Variants in CLIP1 observed in about 807,000 individuals in gnomAD.
CLIP1 encodes CAP-Gly domain containing linker protein 1, also known as CAP-Gly domain-containing linker protein 1.
A neutral mutation model predicts 161.6 loss-of-function variants in CLIP1; 66 were observed. That is an observed-to-expected ratio of 0.41 (90% CI 0.33 to 0.50). The LOEUF (loss-of-function observed/expected upper bound fraction) is 0.50, where lower values mean the gene tolerates loss of function less well. Among genes scored for constraint, CLIP1 ranks in the 20% least tolerant of loss-of-function variants. The pLI is 0.27. For synonymous variants in CLIP1, 598 were observed against 626.2 expected, an observed-to-expected ratio of 0.96 and a Z score of 0.67; for missense variants, 1,376 against 1,702.0, an observed-to-expected ratio of 0.81 and a Z score of 3.37.
intron 1 of CLIP1, among the ~76,000 whole-genome samples, chr12:122,393,730 G>A (rs754089320): frequency 5.9e-5 from 9 of 151,764 alleles, no homozygotes; most frequent in Non-Finnish European, 1.3e-4. Context: ...TGGACAACAA[G>A]GTGAAACCCC....
intron 9 of CLIP1, among the ~76,000 whole-genome samples, chr12:122,347,993 C>A (rs1952830485): frequency 6.6e-6 from 1 of 152,126 alleles, no homozygotes; most frequent in Non-Finnish European, 1.5e-5. Flanking sequence ...GTCCTTAGAG[C>A]AGATTCTTGC....
intron 19 of CLIP1, 54 bp downstream of exon 19, chr12:122,316,695 C>T: frequency 9.1e-7 from 1 of 1,101,714 alleles, no homozygotes; most frequent in South Asian, 1.6e-5. Flanking sequence ...ATTGTGTTCA[C>T]ATTTTCAATT....
chr12:122,347,542 G>A, intron 9 of CLIP1, 63 bp from the exon 10 acceptor site: 1 of 1,281,896 alleles, frequency 7.8e-7, no homozygotes, highest in South Asian at 1.2e-5. Flanking sequence ...CAGCACGAGA[G>A]GAGAGACAGC....
chr12:122,401,417 G>C (rs1171451888), intron 1 of CLIP1, among the ~76,000 whole-genome samples: 1 of 152,110 alleles, frequency 6.6e-6, no homozygotes, highest in Non-Finnish European at 1.5e-5. Context: ...GGTAATCCTA[G>C]CACTTTGGGA....
At chr12:122,387,583 TA>T (rs1566209618) in intron 1 of CLIP1, among the ~76,000 whole-genome samples, 28 of 4,660 alleles carry the variant, frequency 6.0e-3, no homozygotes, top group Admixed American at 9.0e-3. Context: ...TATATATATA[TA>T]TATATATTTT....
At chr12:122,328,922 C>G (rs1951819722) in intron 15 of CLIP1, among the ~76,000 whole-genome samples, 1 of 152,144 alleles carries the variant, frequency 6.6e-6, no homozygotes, top group Non-Finnish European at 1.5e-5. Flanking sequence ...ATCATTTTAC[C>G]AGTTATGATA....
chr12:122,283,412 C>G (rs575086295), intron 21 of CLIP1, among the ~76,000 whole-genome samples: 2 of 151,016 alleles, frequency 1.3e-5, no homozygotes, highest in South Asian at 4.2e-4. Context: ...AACCCCACAG[C>G]AAATAAAGAA....
In CLIP1 at chr12:122,328,064, T is replaced by C. The variant is rs766446751; in HGVS notation, c.3132A>G (p.Leu1044=). The C allele has an allele frequency of 2.5e-6, 4 of 1,614,202 alleles. 1 individual carries two copies. The highest frequency in any genetic ancestry group is 2.2e-5 in the South Asian group (2 of 91,086). Residue 1044 remains leucine, a synonymous_variant, in exon 17 of 26, where the codon CTA becomes CTG. Coordinates refer to ENST00000620786, the MANE Select transcript of CLIP1 (RefSeq NM_001247997.2). ...SETKTKHEEI[L]QNLQKTLLDT... ...CCAGCAGCGTCTTCTGGAGGTTCTG[T>C]AGGATTTCTTCATGCTTGGTTTTTG...
chr12:122,295,273 G>A (rs1950424458), intron 20 of CLIP1, among the ~76,000 whole-genome samples: 2 of 151,644 alleles, frequency 1.3e-5, no homozygotes, highest in African/African-American at 2.4e-5. Context: ...AGGAGGCTGA[G>A]GCAGGAGAAT....
chr12:122,278,508 C>T, intron 23 of CLIP1: 1 of 533,958 alleles, frequency 1.9e-6, no homozygotes, highest in Admixed American at 3.5e-5. Flanking sequence ...CCAAAGGGAC[C>T]ACCTCTTCTC....
At chr12:122,361,790 C>A (rs1267663387) in intron 4 of CLIP1, among the ~76,000 whole-genome samples, 2 of 152,112 alleles carry the variant, frequency 1.3e-5, no homozygotes, top group African/African-American at 2.4e-5. Context: ...GAGATTGCAC[C>A]ACTGTAGTCC....
chr12:122,403,055 G>A (rs963404838), intron 1 of CLIP1, among the ~76,000 whole-genome samples: 7 of 152,038 alleles, frequency 4.6e-5, no homozygotes, highest in Non-Finnish European at 8.8e-5. Flanking sequence ...TCTTGGCATC[G>A]ATAGTAAAAC....
At chr12:122,415,133 T>G (rs1020677187) in intron 1 of CLIP1, among the ~76,000 whole-genome samples, 8 of 152,076 alleles carry the variant, frequency 5.3e-5, no homozygotes, top group African/African-American at 1.9e-4. Context: ...CCTAAACAGC[T>G]ATCTAAAAAC....
At chr12:122,333,436 G>C (rs760193549) in intron 14 of CLIP1, among the ~76,000 whole-genome samples, 27 of 152,230 alleles carry the variant, frequency 1.8e-4, no homozygotes, top group Non-Finnish European at 3.5e-4. Flanking sequence ...CCTGAAGGAA[G>C]TGAGGGAATG....
At position 122,357,813 on chromosome 12, in the gene CLIP1, TG is replaced by T. The variant is rs550896070; in HGVS notation, c.1006-2502del. 5.8e-3 allele frequency among the ~76,000 whole-genome samples: 554 copies of T among 96,164 alleles called. 2 individuals carry two copies. Among genetic ancestry groups the T allele is most frequent in the African/African-American group, 0.021 (517 of 24,438 alleles). 63.1% of individuals were successfully genotyped at this position (96,164 alleles called of 152,430 possible). A position where few individuals can be genotyped will look rare whatever the true frequency, so the allele number is the denominator to read the frequency against. On this transcript the variant is annotated intron_variant, in intron 5 of 25. Transcript: ENST00000620786. ...CTAGCCGCCCCATCCGGGAGGGAGG[TG>T]GGGGGGGTCAGCCCCCCGCCCGGCC...
At chr12:122,363,903 A>G in intron 4 of CLIP1, 80 bp downstream of exon 4, 1 of 1,583,880 alleles carries the variant, frequency 6.3e-7, no homozygotes, top group Non-Finnish European at 8.6e-7. Flanking sequence ...TTTCCATGTT[A>G]TGATACACGC....
chr12:122,363,955 A>C, intron 4 of CLIP1, 28 bp downstream of exon 4: 3 of 1,613,632 alleles, frequency 1.9e-6, no homozygotes, highest in Non-Finnish European at 2.5e-6. Context: ...CAAGAGTGAC[A>C]CAAGATGTTG....
At chr12:122,301,948 C>T (rs1471843270) in intron 20 of CLIP1, among the ~76,000 whole-genome samples, 1 of 152,142 alleles carries the variant, frequency 6.6e-6, no homozygotes, top group South Asian at 2.1e-4. Flanking sequence ...TGTCTGGAGA[C>T]GATGCTCTTG....
chr12:122,410,872 AGG>A (rs1956503312), intron 1 of CLIP1, among the ~76,000 whole-genome samples: 2 of 152,284 alleles, frequency 1.3e-5, no homozygotes, highest in Middle Eastern at 3.4e-3. Context: ...ACTAGCCACC[AGG>A]TAAATACAAA....
Sources: allele counts gnomAD v4.1 joint callset (sites outside exome capture counted in the v4.1 genomes callset), GRCh38; gene constraint gnomAD v4.1.1; transcripts MANE v1.5; gene names NCBI Gene and HGNC (gene_info 2026-07-23, HGNC 2026-07-21).